The following BTG4 variants were observed in gnomAD, a reference collection of about 807,000 sequenced individuals.
The protein encoded by BTG4 is protein BTG4.
BTG4 carries 10 observed loss-of-function variants against 19.3 expected under a neutral mutation model. The observed-to-expected ratio is 0.52, with a 90% CI of 0.32 to 0.88. The LOEUF (loss-of-function observed/expected upper bound fraction) is 0.88. BTG4 is among the 40% of genes least tolerant of loss of function. The pLI is 0.04. For synonymous variants in BTG4, 91 were observed against 95.7 expected, an observed-to-expected ratio of 0.95 and a Z score of 0.29; for missense variants, 238 against 281.9, an observed-to-expected ratio of 0.84 and a Z score of 1.11.
rs544094562 is a variant in BTG4, at chr11:111,484,086, A to G, written c.662+11077T>C. ...TGGAATGACATTCAAAGTGCCAAAGAAAAAAGAAAGTCTAACCTAGAATAT... is the reference window on the plus strand; with the variant it reads ...TGGAATGACATTCAAAGTGCCAAAGGAAAAAGAAAGTCTAACCTAGAATAT... On this transcript the variant is annotated intron_variant, in intron 5 of 5. Transcript: ENST00000356018. Among the ~76,000 whole-genome samples, 16 of 152,278 alleles carry G rather than the reference A, an allele frequency of 1.1e-4. No individual in the cohort carries two copies. The South Asian group carries it at 3.3e-3, about 32-fold the overall frequency.
chr11:111,472,043 C>T (rs1268664706), intron 5 of BTG4, among the ~76,000 whole-genome samples: 1 of 152,200 alleles, frequency 6.6e-6, no homozygotes, highest in African/African-American at 2.4e-5. Flanking sequence ...GCCTCTTGCC[C>T]GGATTACTAT....
chr11:111,490,775 G>C (rs1462435378), downstream of BTG4, among the ~76,000 whole-genome samples: 1 of 152,232 alleles, frequency 6.6e-6, no homozygotes, highest in Non-Finnish European at 1.5e-5. Context: ...AGACTGGTAA[G>C]TGTGTGGAAA....
intron 5 of BTG4, among the ~76,000 whole-genome samples, chr11:111,482,635 A>C (rs2135580302): frequency 6.6e-6 from 1 of 152,270 alleles, no homozygotes; most frequent in East Asian, 1.9e-4. Context: ...AAATACACCC[A>C]CAGTGATATA....
At chr11:111,475,664 A>G (rs1489226748) in intron 5 of BTG4, among the ~76,000 whole-genome samples, 2 of 152,222 alleles carry the variant, frequency 1.3e-5, no homozygotes, top group African/African-American at 4.8e-5. Flanking sequence ...ACAAACTTCA[A>G]CTCAAAAGCT....
Position 111,495,040 on chromosome 11 carries a change from G to T in BTG4, c.*95C>A. The T allele has an allele frequency of 2.2e-6, 3 of 1,368,630 alleles. No homozygotes were observed. Among genetic ancestry groups the T allele is most frequent in the Non-Finnish European group, 2.8e-6 (3 of 1,063,084 alleles). The allele number at this position is 1,368,630 out of a possible 1,614,324, so 84.8% of individuals were successfully genotyped here. A position where few individuals can be genotyped will look rare whatever the true frequency, so the allele number is the denominator to read the frequency against. On this transcript the variant is annotated 3_prime_UTR_variant, in exon 5 of 5. Coordinates refer to ENST00000692032, the MANE Select transcript of BTG4 (RefSeq NM_001367975.1). The stretch of plus-strand genomic sequence containing the variant: ...CTAGTCCCTAATATGGTCATTTTTT[G>T]TTTCATGGGCCTCTCAACCTTAAAT...
chr11:111,423,300 C>A, the BTG4 span, among the ~76,000 whole-genome samples: 1 of 152,214 alleles, frequency 6.6e-6, no homozygotes, highest in Non-Finnish European at 1.5e-5. Flanking sequence ...AACTCTCCCC[C>A]AATCCACTGC....
chr11:111,487,723 A>C (rs1024540905), intron 5 of BTG4, among the ~76,000 whole-genome samples: 1 of 152,180 alleles, frequency 6.6e-6, no homozygotes, highest in Admixed American at 6.5e-5. Flanking sequence ...AAGACTCCAC[A>C]CCAAAAATCT....
rs1864998690 is a variant in BTG4, at chr11:111,485,404, ACT to A, written c.662+9757_662+9758del. ...TTTAAAAAATGAAATCATATCAACT[ACT>A]TTTTCCAACCACAGTGGAATAAAAC... is the stretch of plus-strand genomic sequence containing the variant. On this transcript the variant is annotated intron_variant, in intron 5 of 5. Transcript: ENST00000356018. Among the ~76,000 whole-genome samples, 3 of 152,314 alleles carry A rather than the reference ACT, an allele frequency of 2.0e-5. No individual in the cohort carries two copies. In the South Asian group the frequency reaches 6.2e-4, roughly 32 times the overall value.
chr11:111,488,064 A>G (rs1206381503), intron 5 of BTG4, among the ~76,000 whole-genome samples: 1 of 152,180 alleles, frequency 6.6e-6, no homozygotes, highest in African/African-American at 2.4e-5. Context: ...AATCCCTATC[A>G]AAATACCAAT....
intron 5 of BTG4, among the ~76,000 whole-genome samples, chr11:111,483,764 C>T (rs1292098177): frequency 6.6e-6 from 1 of 151,958 alleles, no homozygotes; most frequent in African/African-American, 2.4e-5. Flanking sequence ...AGTTATTACC[C>T]TTAAAGAGGA....
the BTG4 span, among the ~76,000 whole-genome samples, chr11:111,392,169 CTTTTTTTTTTTTT>C: frequency 2.9e-4 from 25 of 85,450 alleles, no homozygotes; most frequent in Admixed American, 1.4e-3. Context: ...CTGTGATTTT[CTTTTTTTTTTTTT>C]TTTTTTTTTT....
chr11:111,427,069 T>C, the BTG4 span, among the ~76,000 whole-genome samples: 2 of 152,166 alleles, frequency 1.3e-5, no homozygotes, highest in African/African-American at 4.8e-5. Flanking sequence ...TCTTCATAAG[T>C]GGGTAAGAAA....
At chr11:111,411,007 C>CCTG in the BTG4 span, among the ~76,000 whole-genome samples, 1 of 152,206 alleles carries the variant, frequency 6.6e-6, no homozygotes, top group East Asian at 1.9e-4. Context: ...ACCACACTAG[C>CCTG]CTAAGCTATC....
At chr11:111,465,812 C>T (rs572207495), downstream of BTG4, among the ~76,000 whole-genome samples, 8 of 152,200 alleles carry the variant, frequency 5.3e-5, no homozygotes, top group South Asian at 1.7e-3. Context: ...ATGCTTCTAC[C>T]GTGAGGAAAG....
At chr11:111,459,138 A>T in the BTG4 span, among the ~76,000 whole-genome samples, 12 of 152,100 alleles carry the variant, frequency 7.9e-5, no homozygotes, top group South Asian at 2.1e-4. Context: ...GCTACTTGGG[A>T]GGCTGAGGCG....
At chr11:111,404,846 G>T in the BTG4 span, 1 of 347,420 alleles carries the variant, frequency 2.9e-6, no homozygotes, top group Admixed American at 3.8e-5. Flanking sequence ...TGGTCTAATT[G>T]TCAATATTGA....
At chr11:111,444,749 A>T in the BTG4 span, among the ~76,000 whole-genome samples, 117 of 152,318 alleles carry the variant, frequency 7.7e-4, no homozygotes, top group Middle Eastern at 3.4e-3. Flanking sequence ...AGGTAAGGGA[A>T]TCAAATGAGA....
chr11:111,455,239 G>C, the BTG4 span: 1 of 353,958 alleles, frequency 2.8e-6, no homozygotes, highest in Non-Finnish European at 5.7e-6. Context: ...CACCATCTCT[G>C]GGAATTTCTC....
At chr11:111,400,494 T>TTGTTCTGC in the BTG4 span, among the ~76,000 whole-genome samples, 1 of 152,222 alleles carries the variant, frequency 6.6e-6, no homozygotes, top group African/African-American at 2.4e-5. Flanking sequence ...ACAAACATAT[T>TTGTTCTGC]AAATGTCTGA....
Sources: gnomAD v4.1 joint callset for allele counts (sites outside exome capture counted in the v4.1 genomes callset) on GRCh38, gnomAD v4.1.1 for gene constraint, MANE v1.5 for transcripts, NCBI Gene and HGNC (gene_info 2026-07-23, HGNC 2026-07-21) for gene names.